Variants in ACO2 observed in about 807,000 individuals in gnomAD.
ACO2 encodes the protein aconitase 2.
Under a neutral mutation model 84.5 loss-of-function variants are expected in ACO2, and 31 were observed. The observed-to-expected ratio is 0.37, with a 90% CI of 0.28 to 0.50. The LOEUF (loss-of-function observed/expected upper bound fraction) is 0.50, where lower values mean the gene tolerates loss of function less well. Among genes scored for constraint, ACO2 ranks in the 20% least tolerant of loss-of-function variants. The pLI is 0.97. For missense variants in ACO2, 685 were observed against 1,029.3 expected (o/e 0.67, Z 4.58); for synonymous variants, 414 against 412.7 (o/e 1.00, Z -0.04).
rs150748888 is a variant in ACO2, at chr22:41,474,948, T to G, written c.36+5766T>G. ...TAAGGGCAGAATCTCATTGATAAAT[T>G]TTTGATTCTTTCATCAGTTCTCAAG... is the stretch of plus-strand genomic sequence containing the variant. On this transcript the variant is annotated intron_variant, in intron 1 of 17. Transcript: ENST00000216254. Among the ~76,000 whole-genome samples, 59 of 151,938 alleles carry G rather than the reference T, an allele frequency of 3.9e-4. No individual in the cohort carries two copies. In the East Asian group the frequency reaches 7.9e-3, roughly 20 times the overall value.
chr22:41,472,137 A>G lies in ACO2; in HGVS notation c.36+2955A>G, dbSNP rs535039047. 8.5e-5 allele frequency among the ~76,000 whole-genome samples: 13 copies of G among 152,092 alleles called. No individual in the cohort carries two copies. In the South Asian group the frequency reaches 2.5e-3, roughly 29 times the overall value. ...TGGGAGGCCAAGGCAGGTGGATCAC[A>G]AGGTCAGGAGTTCGAGACCAGCCTG... On this transcript the variant is annotated intron_variant, in intron 1 of 17. Coordinates refer to ENST00000216254, the MANE Select transcript of ACO2 (RefSeq NM_001098.3).
intron 9 of ACO2, among the ~76,000 whole-genome samples, chr22:41,521,778 CTT>C (rs1041027606): frequency 9.1e-5 from 13 of 143,120 alleles, no homozygotes; most frequent in South Asian, 2.2e-4. Flanking sequence ...AATCCCAACC[CTT>C]TTTTTTTTTT....
Position 41,528,801 on chromosome 22 carries a change from C to A in ACO2, c.*188C>A. ...GGGTTCTTAAAATAACTTTTTAGCC[C>A]CCGTCTTCCTATTTTGAGTTTGGTT... On this transcript the variant is annotated 3_prime_UTR_variant, in exon 18 of 18. Coordinates refer to ENST00000216254, the MANE Select transcript of ACO2 (RefSeq NM_001098.3). The A allele has an allele frequency of 1.3e-6, 1 of 750,428 alleles. No individual in the cohort carries two copies. Among genetic ancestry groups the A allele is most frequent in the Non-Finnish European group, 2.1e-6 (1 of 483,326 alleles). The allele number at this position is 750,428 out of a possible 1,614,324, so 46.5% of individuals were successfully genotyped here.
intron 6 of ACO2, among the ~76,000 whole-genome samples, chr22:41,516,613 G>A (rs555674935): frequency 3.0e-4 from 45 of 152,346 alleles, no homozygotes; most frequent in Middle Eastern, 3.4e-3. Flanking sequence ...CCATACCTCC[G>A]TCCTAGTGGC....
rs1233841476 is a variant in ACO2 at position 41,522,846 on chromosome 22, C to T, written c.1155C>T (p.Cys385=). Residue 385 remains cysteine, a synonymous_variant, in exon 10 of 18, where the codon TGC becomes TGT. Coordinates refer to ENST00000216254, the MANE Select transcript of ACO2 (RefSeq NM_001098.3). The part of the protein sequence containing the change: ...LDIRVGLIGS[C]TNSSYEDMGR... ...ATGCACCAGGTCTAATTGGTAGCTG[C>T]ACCAATTCAAGCTATGAAGATATGG... 6.2e-7 allele frequency: 1 copy of T among 1,614,222 alleles called. No individual in the cohort carries two copies. The highest frequency in any genetic ancestry group is 1.1e-5 in the South Asian group (1 of 91,090).
intron 12 of ACO2, 62 bp from the exon 13 acceptor site, chr22:41,524,784 T>C: frequency 1.2e-6 from 2 of 1,603,170 alleles, no homozygotes; most frequent in African/African-American, 1.3e-5. Flanking sequence ...AGGCTTTTGG[T>C]AGGTGCAGGA....
At chr22:41,477,920 C>T (rs2038039029) in intron 1 of ACO2, among the ~76,000 whole-genome samples, 1 of 151,892 alleles carries the variant, frequency 6.6e-6, no homozygotes, top group Non-Finnish European at 1.5e-5. Context: ...CAGATATGAG[C>T]CGGGCATGGT....
intron 9 of ACO2, among the ~76,000 whole-genome samples, chr22:41,520,741 C>T (rs1057367621): frequency 6.6e-6 from 1 of 151,672 alleles, no homozygotes; most frequent in Non-Finnish European, 1.5e-5. Flanking sequence ...ACTTGGGAGG[C>T]TGAGGCAGGA....
intron 6 of ACO2, chr22:41,516,143 G>T: frequency 3.0e-6 from 2 of 660,454 alleles, no homozygotes; most frequent in Admixed American, 2.4e-5. Flanking sequence ...CGAGGCTGCC[G>T]GTGACTTCCT....
intron 1 of ACO2, among the ~76,000 whole-genome samples, chr22:41,486,846 G>T (rs918018204): frequency 2.6e-5 from 4 of 151,670 alleles, no homozygotes; most frequent in Admixed American, 6.6e-5. Context: ...CTTATTTTCT[G>T]CCATTTCTTC....
intron 12 of ACO2, among the ~76,000 whole-genome samples, chr22:41,524,356 G>A (rs924198748): frequency 3.9e-5 from 6 of 152,236 alleles, no homozygotes; most frequent in Non-Finnish European, 8.8e-5. Context: ...CATTGTTCCC[G>A]TGGCCAGAGT....
In ACO2 at chr22:41,515,933, A is replaced by G. The variant is rs774836663; in HGVS notation, c.835+16A>G. 85 of 1,610,530 alleles carry G rather than the reference A, an allele frequency of 5.3e-5. No homozygotes were observed. Among genetic ancestry groups the G allele is most frequent in the Non-Finnish European group, 6.8e-5 (80 of 1,178,330 alleles). On this transcript the variant is annotated intron_variant, in intron 6 of 17. Transcript: ENST00000216254. The surrounding 1 kb of genome is among the most constrained non-coding windows in gnomAD (Gnocchi z 5.8). ...TCCTGCACTGGTGAGGAAGGCGGCC[A>G]GGCGACGTGGCCCCTACCCTGTGCT...
chr22:41,495,604 A>T (rs928789157), intron 1 of ACO2, among the ~76,000 whole-genome samples: 2 of 148,390 alleles, frequency 1.3e-5, no homozygotes, highest in Non-Finnish European at 3.0e-5. Context: ...GGCAATAGGT[A>T]TTGTTACAGT....
chr22:41,527,600 C>T, intron 16 of ACO2, 180 bp downstream of exon 16: 1 of 924,996 alleles, frequency 1.1e-6, no homozygotes, highest in Non-Finnish European at 1.6e-6. Context: ...AGCTTCCCGG[C>T]TTCCCGCAGG....
chr22:41,469,195 A>G lies in ACO2; in HGVS notation c.36+13A>G, dbSNP rs1193522548. ...GACTCGGCTGCAGGTGAGCGAGCTC[A>G]GGGACCTCTGGGTTCACGGGGGCGG... On this transcript the variant is annotated intron_variant, in intron 1 of 17. Transcript: ENST00000216254. 1.2e-6 allele frequency: 2 copies of G among 1,606,792 alleles called. No homozygotes were observed. The highest frequency in any genetic ancestry group is 1.7e-6 in the Non-Finnish European group (2 of 1,176,518).
intron 12 of ACO2, among the ~76,000 whole-genome samples, chr22:41,524,639 C>G (rs1277228601): frequency 6.6e-6 from 1 of 152,230 alleles, no homozygotes; most frequent in Non-Finnish European, 1.5e-5. Flanking sequence ...GCCGCACTGC[C>G]CTTGGCTTCC....
chr22:41,502,158 A>G (rs1269778759), intron 2 of ACO2, among the ~76,000 whole-genome samples: 1 of 152,122 alleles, frequency 6.6e-6, no homozygotes, highest in Non-Finnish European at 1.5e-5. Flanking sequence ...TCTGGGCTCC[A>G]TGTTAGAATC....
At position 41,526,632 on chromosome 22, in the gene ACO2, G is replaced by GC. The variant is rs141765214; in HGVS notation, c.1953+182dup. On this transcript the variant is annotated intron_variant, in intron 15 of 17. Transcript: ENST00000216254. ...CTCCCTGTGGCTGAGAAGGCATGAG[G>GC]CCCAGGTCCGGTGGTACAGCCGGGT... 3,509 of 603,272 alleles carry GC rather than the reference G, an allele frequency of 5.8e-3. 91 individuals carry two copies. Among genetic ancestry groups the GC allele is most frequent in the African/African-American group, 0.054 (2,880 of 53,450 alleles). 37.4% of individuals were successfully genotyped at this position (603,272 alleles called of 1,614,324 possible). A position where few individuals can be genotyped will look rare whatever the true frequency, so the allele number is the denominator to read the frequency against.
At chr22:41,504,036 A>G (rs1377695671) in intron 2 of ACO2, among the ~76,000 whole-genome samples, 1 of 152,160 alleles carries the variant, frequency 6.6e-6, no homozygotes, top group African/African-American at 2.4e-5. Context: ...CAACATGGTG[A>G]AACACTGTGT....
Sources: allele counts gnomAD v4.1 joint callset (sites outside exome capture counted in the v4.1 genomes callset), GRCh38; gene constraint gnomAD v4.1.1; non-coding constraint Gnocchi (gnomAD v3.1); transcripts MANE v1.5; gene names NCBI Gene and HGNC (gene_info 2026-07-23, HGNC 2026-07-21).